Variants in MME observed in about 807,000 individuals in gnomAD.
The protein encoded by MME is membrane metalloendopeptidase.
A neutral mutation model predicts 113.2 loss-of-function variants in MME; 98 were observed. The ratio of observed to expected loss-of-function variants is 0.87; its 90% CI spans 0.74 to 1.02. The LOEUF is 1.02. MME is among the 50% of genes least tolerant of loss of function. The pLI is 0.00. For synonymous variants in MME, 292 were observed against 300.6 expected, an observed-to-expected ratio of 0.97 and a Z score of 0.30; for missense variants, 836 against 896.0, an observed-to-expected ratio of 0.93 and a Z score of 0.86.
chr3:155,124,629 C>T (rs6801276), intron 8 of MME, among the ~76,000 whole-genome samples: 55,477 of 151,172 alleles, frequency 0.37, 10,671 homozygotes, highest in South Asian at 0.55. Flanking sequence ...GTTAGTTTTC[C>T]TTCTAACAGA....
At chr3:155,143,631 T>G in intron 13 of MME, 60 bp downstream of exon 13, 1 of 1,580,058 alleles carries the variant, frequency 6.3e-7, no homozygotes, top group Non-Finnish European at 8.7e-7. Flanking sequence ...TTGTTCACAC[T>G]GATGAGCAAT....
intron 1 of MME, among the ~76,000 whole-genome samples, chr3:155,062,723 A>T (rs2108136934): frequency 6.6e-6 from 1 of 152,238 alleles, no homozygotes; most frequent in South Asian, 2.1e-4. Flanking sequence ...CATAAAAGAC[A>T]AGCTTGAAAA....
chr3:155,122,668 G>A (rs1347438796), intron 8 of MME, among the ~76,000 whole-genome samples: 1 of 20,874 alleles, frequency 4.8e-5, no homozygotes, highest in African/African-American at 1.9e-4. Flanking sequence ...CCTTCATTTC[G>A]TTATGTACCC....
upstream of MME, among the ~76,000 whole-genome samples, chr3:155,078,491 C>A (rs1332400216): frequency 6.6e-6 from 1 of 152,056 alleles, no homozygotes; most frequent in African/African-American, 2.4e-5. Flanking sequence ...GATGAACTAC[C>A]TTTTCTCCTT....
At chr3:155,089,898 T>C in intron 3 of MME, 1 of 449,450 alleles carries the variant, frequency 2.2e-6, no homozygotes, top group Non-Finnish European at 4.5e-6. Context: ...AGGCAGAGGT[T>C]GAAGCGAGCC....
intron 1 of MME, among the ~76,000 whole-genome samples, chr3:155,024,759 C>T (rs1009024912): frequency 1.3e-5 from 2 of 152,052 alleles, no homozygotes; most frequent in Non-Finnish European, 2.9e-5. Context: ...GGACATCTGT[C>T]GTAGAGATAC....
intron 1 of MME, among the ~76,000 whole-genome samples, chr3:155,028,176 C>T (rs1459051478): frequency 6.6e-6 from 1 of 152,104 alleles, no homozygotes; most frequent in African/African-American, 2.4e-5. Flanking sequence ...TTTCTACTCT[C>T]CAGGATCTTC....
At chr3:155,033,838 C>CAA (rs1713049873) in intron 1 of MME, among the ~76,000 whole-genome samples, 1 of 151,966 alleles carries the variant, frequency 6.6e-6, no homozygotes, top group African/African-American at 2.4e-5. Flanking sequence ...CAGTAACCAC[C>CAA]AAAAGCCTAA....
chr3:155,097,454 A>G (rs895394046), intron 3 of MME, among the ~76,000 whole-genome samples: 1 of 152,228 alleles, frequency 6.6e-6, no homozygotes, highest in African/African-American at 2.4e-5. Context: ...GAGAGTGATC[A>G]TTGGAATTAA....
chr3:155,102,628 G>C (rs1213594883), intron 3 of MME, among the ~76,000 whole-genome samples: 1 of 152,186 alleles, frequency 6.6e-6, no homozygotes, highest in Non-Finnish European at 1.5e-5. Flanking sequence ...CGACCAGCCA[G>C]AACCATAAAG....
chr3:155,065,984 A>G (rs1199700605), intron 1 of MME, among the ~76,000 whole-genome samples: 1 of 152,210 alleles, frequency 6.6e-6, no homozygotes, highest in Non-Finnish European at 1.5e-5. Flanking sequence ...ACAGGGATTT[A>G]ATTATTTAAG....
intron 1 of MME, among the ~76,000 whole-genome samples, chr3:155,027,587 C>A (rs1218628700): frequency 6.6e-6 from 1 of 152,216 alleles, no homozygotes; most frequent in African/African-American, 2.4e-5. Context: ...GATCTGAAAA[C>A]CTCTATTCAA....
intron 3 of MME, among the ~76,000 whole-genome samples, chr3:155,094,329 T>C (rs913162951): frequency 5.3e-5 from 8 of 152,164 alleles, no homozygotes; most frequent in African/African-American, 1.4e-4. Context: ...ATCTACAAAA[T>C]TGGAATTGAA....
chr3:155,106,836 T>C (rs1038130908), intron 3 of MME, among the ~76,000 whole-genome samples: 2 of 152,148 alleles, frequency 1.3e-5, no homozygotes, highest in Admixed American at 6.5e-5. Context: ...TGTCCTAAGG[T>C]CTTTACAAAA....
upstream of MME, among the ~76,000 whole-genome samples, chr3:155,076,117 C>T (rs950294637): frequency 6.6e-6 from 1 of 152,046 alleles, no homozygotes; most frequent in Non-Finnish European, 1.5e-5. Context: ...ACTACTTTAC[C>T]ATAGATCTTT....
At chr3:155,029,033 T>G (rs1712883126) in intron 1 of MME, among the ~76,000 whole-genome samples, 1 of 152,168 alleles carries the variant, frequency 6.6e-6, no homozygotes, top group South Asian at 2.1e-4. Context: ...ACTTTTAATC[T>G]TTGATAGAAA....
intron 1 of MME, among the ~76,000 whole-genome samples, chr3:155,068,728 A>C (rs1714463361): frequency 6.6e-6 from 1 of 152,244 alleles, no homozygotes; most frequent in Non-Finnish European, 1.5e-5. Flanking sequence ...CTGAGTGAGT[A>C]AAATATTCTG....
intron 1 of MME, among the ~76,000 whole-genome samples, chr3:155,033,163 G>C (rs1369124901): frequency 1.3e-5 from 2 of 152,162 alleles, no homozygotes; most frequent in Non-Finnish European, 2.9e-5. Context: ...AAAGAAGAGA[G>C]TTAAGCTATA....
chr3:155,119,028 T>C (rs1718867091), intron 8 of MME, among the ~76,000 whole-genome samples: 4 of 152,250 alleles, frequency 2.6e-5, no homozygotes, highest in Admixed American at 2.6e-4. Context: ...AAACTTGAAA[T>C]TCCTTATTTG....
Sources: gnomAD v4.1 joint callset for allele counts (sites outside exome capture counted in the v4.1 genomes callset) on GRCh38, gnomAD v4.1.1 for gene constraint, MANE v1.5 for transcripts, NCBI Gene and HGNC (gene_info 2026-07-23, HGNC 2026-07-21) for gene names.